PHC2: variants seen among roughly 807,000 people sequenced by gnomAD.
PHC2 encodes polyhomeotic-like protein 2.
A neutral mutation model predicts 87.4 loss-of-function variants in PHC2; 29 were observed. That is an observed-to-expected ratio of 0.33 (90% CI 0.25 to 0.45). PHC2 has a LOEUF of 0.45. PHC2 is among the 20% of genes least tolerant of loss of function. The pLI is 1.00. For missense variants in PHC2, 857 were observed against 1,136.7 expected, an observed-to-expected ratio of 0.75 and a Z score of 3.54; for synonymous variants, 438 against 461.7, an observed-to-expected ratio of 0.95 and a Z score of 0.66.
At chr1:33,416,947 T>A (rs1251396560) in intron 1 of PHC2, among the ~76,000 whole-genome samples, 1 of 151,998 alleles carries the variant, frequency 6.6e-6, no homozygotes, top group Non-Finnish European at 1.5e-5. Context: ...AAAGTAATAA[T>A]AAAACATGTT....
chr1:33,373,616 G>T (rs1458573188), intron 2 of PHC2, among the ~76,000 whole-genome samples: 1 of 152,136 alleles, frequency 6.6e-6, no homozygotes, highest in Non-Finnish European at 1.5e-5. Flanking sequence ...CCAGCCCTAA[G>T]ATCCTCTGTC....
At chr1:33,419,360 A>G (rs1377380304) in intron 1 of PHC2, among the ~76,000 whole-genome samples, 1 of 152,198 alleles carries the variant, frequency 6.6e-6, no homozygotes, top group Non-Finnish European at 1.5e-5. Flanking sequence ...ATTCTCTCAC[A>G]GTTCTGGAGG....
chr1:33,329,174 G>A (rs1333366899), intron 13 of PHC2, 28 bp from the exon 14 acceptor site: 4 of 1,600,568 alleles, frequency 2.5e-6, no homozygotes, highest in Admixed American at 1.7e-5. Flanking sequence ...TCTTCAGGAT[G>A]GGGGAACAAA....
chr1:33,349,701 G>T lies in PHC2; in HGVS notation c.1558+4700C>A. The T allele has an allele frequency of 1.0e-6, 1 of 992,146 alleles. No individual in the cohort carries two copies. Among genetic ancestry groups the T allele is most frequent in the South Asian group, 4.3e-5 (1 of 23,184 alleles). The allele number at this position is 992,146 out of a possible 1,614,324, so 61.5% of individuals were successfully genotyped here. ...GGCCCGGGCGGGCCGCCTCCTCTCC[G>T]CCGGGAGCCTCCGAGCCGGGGCCCG... On this transcript the variant is annotated intron_variant, in intron 9 of 14. Transcript: ENST00000683057. The surrounding 1 kb of genome is among the most constrained non-coding windows in gnomAD (Gnocchi z 4.2).
chr1:33,377,258 T>C (rs1282143278), intron 1 of PHC2, among the ~76,000 whole-genome samples: 1 of 152,228 alleles, frequency 6.6e-6, no homozygotes, highest in African/African-American at 2.4e-5. Flanking sequence ...GTGCCAAGCA[T>C]ATCCTGTGTG....
Position 33,354,514 on chromosome 1 carries a change from CT to C in PHC2, c.1444del (p.Ser482ValfsTer48). On this transcript the variant is annotated frameshift_variant, in exon 9 of 15. Transcript: ENST00000683057. LOFTEE classifies it high-confidence loss of function. The part of the protein sequence containing the change: ...DWKEVAPGEK[S>X]VPETRSGPSP... ...TGGGCCAGACCGCGTCTCAGGCACA[CT>C]TTTCTCCCCTGGTGCCACTTCTTTC... The C allele has an allele frequency of 6.2e-7, 1 of 1,614,174 alleles. No individual in the cohort carries two copies.
Position 33,371,003 on chromosome 1 carries a change from C to T in PHC2, c.411+14G>A, listed in dbSNP as rs1201596803. 1.9e-6 allele frequency: 3 copies of T among 1,610,670 alleles called. No homozygotes were observed. In the African/African-American group the frequency reaches 4.0e-5, roughly 22 times the overall value. On this transcript the variant is annotated intron_variant, in intron 4 of 14. Transcript: ENST00000683057. ...GGGCTGTGGACTCTGCTGCTGCTCC[C>T]CCATTCTACTCACCGAAGATGACTG...
intron 1 of PHC2, among the ~76,000 whole-genome samples, chr1:33,412,474 T>C (rs1401624738): frequency 6.6e-6 from 1 of 152,226 alleles, no homozygotes; most frequent in Non-Finnish European, 1.5e-5. Flanking sequence ...AGCTTTACCC[T>C]AAACTTTGGT....
chr1:33,349,699 C>T lies in PHC2; in HGVS notation c.1558+4702G>A. The T allele has an allele frequency of 3.0e-6, 3 of 991,808 alleles. No homozygotes were observed. Among genetic ancestry groups the T allele is most frequent in the Non-Finnish European group, 2.4e-6 (2 of 834,088 alleles). 61.4% of individuals were successfully genotyped at this position (991,808 alleles called of 1,614,324 possible). On this transcript the variant is annotated intron_variant, in intron 9 of 14. Coordinates refer to ENST00000683057, the MANE Select transcript of PHC2 (RefSeq NM_001385109.1). The surrounding 1 kb of genome is among the most constrained non-coding windows in gnomAD (Gnocchi z 4.2). The stretch of plus-strand genomic sequence containing the variant: ...CGGGCCCGGGCGGGCCGCCTCCTCT[C>T]CGCCGGGAGCCTCCGAGCCGGGGCC...
chr1:33,413,680 G>A (rs895561874), intron 1 of PHC2, among the ~76,000 whole-genome samples: 2 of 152,206 alleles, frequency 1.3e-5, no homozygotes, highest in African/African-American at 4.8e-5. Context: ...TTGTCTTTGA[G>A]CAGCAGGTGG....
rs532369355 is a variant in PHC2, at chr1:33,398,959, G to A, written c.-54-23366C>T. On this transcript the variant is annotated intron_variant, in intron 1 of 14. Coordinates refer to ENST00000683057, the MANE Select transcript of PHC2 (RefSeq NM_001385109.1). ...TTGGAGGGTAGGTGAAAAAGACACG[G>A]TTTCTTTCTTCAGGCAGTCTGGGTC... is the stretch of plus-strand genomic sequence containing the variant. Among the ~76,000 whole-genome samples, 7 of 152,282 alleles carry A rather than the reference G, an allele frequency of 4.6e-5. 1 individual carries two copies. The highest frequency in any genetic ancestry group is 1.4e-4 in the African/African-American group (6 of 41,546).
At chr1:33,395,274 G>A (rs1328735566) in intron 1 of PHC2, among the ~76,000 whole-genome samples, 1 of 152,124 alleles carries the variant, frequency 6.6e-6, no homozygotes, top group Non-Finnish European at 1.5e-5. Context: ...AATCAGAGCA[G>A]TGGTTGCCTC....
chr1:33,401,218 C>T (rs1028943423), intron 1 of PHC2, among the ~76,000 whole-genome samples: 11 of 151,890 alleles, frequency 7.2e-5, no homozygotes, highest in Non-Finnish European at 1.5e-4. Flanking sequence ...CCCAGCTACT[C>T]GGGAGGCTGA....
intron 1 of PHC2, among the ~76,000 whole-genome samples, chr1:33,398,039 A>G (rs997292600): frequency 6.6e-6 from 1 of 152,188 alleles, no homozygotes; most frequent in African/African-American, 2.4e-5. Context: ...ACAGATTGCA[A>G]CTAAAAACAA....
intron 7 of PHC2, among the ~76,000 whole-genome samples, chr1:33,357,919 T>A (rs1403257972): frequency 6.6e-6 from 1 of 152,140 alleles, no homozygotes; most frequent in Non-Finnish European, 1.5e-5. Flanking sequence ...CTATGTGAGG[T>A]GGGAGCTGGA....
At chr1:33,365,955 G>A (rs1346326308) in intron 7 of PHC2, among the ~76,000 whole-genome samples, 2 of 152,238 alleles carry the variant, frequency 1.3e-5, no homozygotes, top group Admixed American at 1.3e-4. Context: ...CATTCTGCCT[G>A]ACAGGCAGCT....
intron 7 of PHC2, among the ~76,000 whole-genome samples, chr1:33,365,078 C>G (rs1318841857): frequency 2.6e-5 from 4 of 152,174 alleles, no homozygotes; most frequent in Non-Finnish European, 5.9e-5. Flanking sequence ...TTTGACTCAG[C>G]CAGCTATGGC....
intron 1 of PHC2, among the ~76,000 whole-genome samples, chr1:33,427,913 G>A (rs981597713): frequency 2.0e-5 from 3 of 152,190 alleles, no homozygotes; most frequent in Admixed American, 6.5e-5. Flanking sequence ...AATGTGGGAT[G>A]TATCTTCAAG....
intron 1 of PHC2, among the ~76,000 whole-genome samples, chr1:33,394,033 G>T (rs1649193658): frequency 6.6e-6 from 1 of 152,180 alleles, no homozygotes; most frequent in Admixed American, 6.5e-5. Flanking sequence ...TATCCTGGGG[G>T]TTGGGGAGGG....
Sources: allele counts gnomAD v4.1 joint callset (sites outside exome capture counted in the v4.1 genomes callset), GRCh38; gene constraint gnomAD v4.1.1; non-coding constraint Gnocchi (gnomAD v3.1); transcripts MANE v1.5; gene names NCBI Gene and HGNC (gene_info 2026-07-23, HGNC 2026-07-21).